GABRR2: variants seen among roughly 807,000 people sequenced by gnomAD.
GABRR2 encodes gamma-aminobutyric acid receptor subunit rho-2.
Under a neutral mutation model 47.0 loss-of-function variants are expected in GABRR2, and 36 were observed. The observed-to-expected ratio is 0.77, with a 90% CI of 0.59 to 1.01. The LOEUF is 1.01. Ranked by LOEUF, GABRR2 falls within the 50% of genes least tolerant of loss-of-function variation. The pLI, the probability that GABRR2 is intolerant of heterozygous loss-of-function variation, is 0.00. For missense variants in GABRR2, 587 were observed against 594.6 expected (o/e 0.99, Z 0.13); for synonymous variants, 204 against 227.5 (o/e 0.90, Z 0.93).
chr6:89,278,802 T>C (rs995904090), intron 2 of GABRR2, among the ~76,000 whole-genome samples: 3 of 151,966 alleles, frequency 2.0e-5, no homozygotes, highest in Admixed American at 6.5e-5. Flanking sequence ...GGCGGGGAGG[T>C]TGGCATATCA....
intron 8 of GABRR2, among the ~76,000 whole-genome samples, chr6:89,259,425 AT>A (rs1237739649): frequency 1.3e-5 from 2 of 151,060 alleles, no homozygotes; most frequent in African/African-American, 4.9e-5. Context: ...TTTGGGGGCT[AT>A]TTTTTTTCAT....
chr6:89,312,084 C>T (rs1347293990), intron 1 of GABRR2, among the ~76,000 whole-genome samples: 2 of 152,182 alleles, frequency 1.3e-5, no homozygotes, highest in African/African-American at 4.8e-5. Flanking sequence ...GGGGGCTCCA[C>T]GTTGAGACCT....
At chr6:89,307,863 C>T (rs556903200) in intron 1 of GABRR2, among the ~76,000 whole-genome samples, 10 of 141,004 alleles carry the variant, frequency 7.1e-5, no homozygotes, top group Admixed American at 1.5e-4. Context: ...TGTCGCCAGA[C>T]TGGAGTTCAA....
chr6:89,264,448 G>A lies in GABRR2; in HGVS notation c.1050C>T (p.Thr350=), dbSNP rs61741842. 1,131 of 1,613,836 alleles carry A rather than the reference G, an allele frequency of 7.0e-4. 1 individual carries two copies. The highest frequency in any genetic ancestry group is 8.4e-4 in the Non-Finnish European group (986 of 1,179,934). Residue 350 remains threonine, a synonymous_variant, in exon 8 of 9, where the codon ACC becomes ACT. Coordinates refer to ENST00000402938, the MANE Select transcript of GABRR2 (RefSeq NM_002043.5). ...GCTTCCGTTCCTTGCGCTCCTGCAC[G>A]GTGGTCAGGTAGTTGACAGCCGCAT... The part of the protein sequence containing the change: ...LEYAAVNYLT[T]VQERKERKLR...
In GABRR2 at chr6:89,311,157, C is replaced by A. The variant is rs566520877; in HGVS notation, c.113+3896G>T. Among the ~76,000 whole-genome samples the A allele has an allele frequency of 7.9e-5, 12 of 152,310 alleles. No homozygotes were observed. In the East Asian group the frequency reaches 2.3e-3, roughly 29 times the overall value. On this transcript the variant is annotated intron_variant, in intron 1 of 8. Coordinates refer to ENST00000402938, the MANE Select transcript of GABRR2 (RefSeq NM_002043.5). ...CCGTGTGAGGTGCCACGTGCAGACGCCCATGAAAGACGCCTCCGGAAGGCA... is the reference window on the plus strand; with the variant it reads ...CCGTGTGAGGTGCCACGTGCAGACGACCATGAAAGACGCCTCCGGAAGGCA...
intron 1 of GABRR2, among the ~76,000 whole-genome samples, chr6:89,310,948 A>C (rs1044188293): frequency 1.3e-5 from 2 of 152,232 alleles, no homozygotes; most frequent in African/African-American, 4.8e-5. Flanking sequence ...TTCACAGGTC[A>C]AAGAGGAAAG....
rs1321918530 is a variant in GABRR2 at position 89,292,723 on chromosome 6, TATCGTATATATCATATATA to T, written c.220+7017_220+7035del. 9.5e-4 allele frequency among the ~76,000 whole-genome samples: 135 copies of T among 142,634 alleles called. 8 individuals carry two copies. The highest frequency in any genetic ancestry group is 1.5e-3 in the Non-Finnish European group (99 of 65,076). 93.6% of individuals were successfully genotyped at this position (142,634 alleles called of 152,430 possible). A position where few individuals can be genotyped will look rare whatever the true frequency, so the allele number is the denominator to read the frequency against. On this transcript the variant is annotated intron_variant, in intron 2 of 8. Coordinates refer to ENST00000402938, the MANE Select transcript of GABRR2 (RefSeq NM_002043.5). Reference sequence around the variant, plus strand: ...GTATCTCTGATATATATCAGATATATATCGTATATATCATATATAATCGTATATATCGTATATACGATAT... The same window carrying T: ...GTATCTCTGATATATATCAGATATATATCGTATATATCGTATATACGATAT...
chr6:89,278,869 AGAG>A (rs1032503791), intron 2 of GABRR2, among the ~76,000 whole-genome samples: 7 of 152,224 alleles, frequency 4.6e-5, no homozygotes, highest in Non-Finnish European at 1.5e-5. Flanking sequence ...TGTGGGAGGA[AGAG>A]GAGGACGGGA....
chr6:89,283,513 A>T (rs980739737), intron 2 of GABRR2, among the ~76,000 whole-genome samples: 1 of 152,256 alleles, frequency 6.6e-6, no homozygotes, highest in Non-Finnish European at 1.5e-5. Flanking sequence ...AGTAAAAAAA[A>T]CCAATGTACA....
Position 89,263,055 on chromosome 6 carries a change from A to G in GABRR2, c.1086+1357T>C, listed in dbSNP as rs538006822. Among the ~76,000 whole-genome samples, 8 of 152,248 alleles carry G rather than the reference A, an allele frequency of 5.3e-5. No homozygotes were observed. The South Asian group carries it at 1.7e-3, about 32-fold the overall frequency. On this transcript the variant is annotated intron_variant, in intron 8 of 8. Coordinates refer to ENST00000402938, the MANE Select transcript of GABRR2 (RefSeq NM_002043.5). ...TATTCTGTCTCATAGTTTGCAGTTG[A>G]CCCTTGAACAACACAGGTTTGAACT...
rs191092021 is a variant in GABRR2 at position 89,314,851 on chromosome 6, C to T, written c.113+202G>A. Reference sequence around the variant, plus strand: ...CAGGCATCCGAAGGAAGGCTCATCCCAGTCTAGTTCTGCTCTCAATGCTTG... The same window carrying T: ...CAGGCATCCGAAGGAAGGCTCATCCTAGTCTAGTTCTGCTCTCAATGCTTG... On this transcript the variant is annotated intron_variant, in intron 1 of 8. Coordinates refer to ENST00000402938, the MANE Select transcript of GABRR2 (RefSeq NM_002043.5). 1.7e-3 allele frequency among the ~76,000 whole-genome samples: 257 copies of T among 152,302 alleles called. 2 individuals are homozygous for T. Among genetic ancestry groups the T allele is most frequent in the African/African-American group, 5.9e-3 (245 of 41,564 alleles).
intron 2 of GABRR2, among the ~76,000 whole-genome samples, chr6:89,293,052 C>T (rs1270088806): frequency 6.6e-6 from 1 of 151,926 alleles, no homozygotes; most frequent in Non-Finnish European, 1.5e-5. Flanking sequence ...AGAAACAACA[C>T]AAATGTCAAT....
Position 89,265,626 on chromosome 6 carries a change from G to A in GABRR2, c.876C>T (p.Ala292=). ...SFWIDRRAVP[A]RVSLGITTVL... is the part of the protein sequence containing the mutation. The stretch of plus-strand genomic sequence containing the variant: ...AAATGCTTTTACCCAGTGAAACTCT[G>A]GCAGGCACAGCTCTGCGGTCGATCC... The change falls in exon 7 of 9, where the codon GCC becomes GCT. Residue 292 remains alanine (A), a synonymous_variant. Transcript: ENST00000402938. 6.2e-7 allele frequency: 1 copy of A among 1,613,556 alleles called. No individual in the cohort carries two copies. Among genetic ancestry groups the A allele is most frequent in the Non-Finnish European group, 8.5e-7 (1 of 1,179,802 alleles).
In GABRR2 at chr6:89,259,874, T is replaced by A. The variant is rs1269327867; in HGVS notation, c.1087-1893A>T. Among the ~76,000 whole-genome samples, 17 of 89,318 alleles carry A rather than the reference T, an allele frequency of 1.9e-4. No homozygotes were observed. In the South Asian group the frequency reaches 3.8e-3, roughly 20 times the overall value. The allele number at this position is 89,318 out of a possible 152,430, so 58.6% of individuals were successfully genotyped here. ...TGGGGATAAAAGGTAAGAGGTCATC[T>A]CTCTCTCTCTTTTTTTTTTTTTTTG... On this transcript the variant is annotated intron_variant, in intron 8 of 8. Coordinates refer to ENST00000402938, the MANE Select transcript of GABRR2 (RefSeq NM_002043.5).
chr6:89,313,831 C>T (rs1252558325), intron 1 of GABRR2, among the ~76,000 whole-genome samples: 1 of 152,074 alleles, frequency 6.6e-6, no homozygotes, highest in East Asian at 1.9e-4. Flanking sequence ...GCAGGAGAAT[C>T]GCTTGAACCC....
chr6:89,264,438 G>T lies in GABRR2; in HGVS notation c.1060C>A (p.Arg354Ser), dbSNP rs775816767. The change falls in exon 8 of 9, where the codon CGC (arginine) becomes AGC (serine). Residue 354 changes from arginine (R) to serine (S), a missense_variant. Arg to Ser is a moderately radical substitution (Grantham distance 110, BLOSUM62 -1). Transcript: ENST00000402938. The stretch of plus-strand genomic sequence containing the variant: ...TTCTCCCGCAGCTTCCGTTCCTTGC[G>T]CTCCTGCACGGTGGTCAGGTAGTTG... ...AVNYLTTVQE[R>S]KERKLREKFP... The T allele has an allele frequency of 4.3e-6, 7 of 1,613,640 alleles. No individual in the cohort carries two copies. Among genetic ancestry groups the T allele is most frequent in the Middle Eastern group, 1.6e-4 (1 of 6,078 alleles).
At chr6:89,313,546 C>T (rs73504001) in intron 1 of GABRR2, among the ~76,000 whole-genome samples, 18,869 of 151,890 alleles carry the variant, frequency 0.12, 2,244 homozygotes, top group African/African-American at 0.31. Context: ...CAACCCAACC[C>T]GCATGGGTTG....
At chr6:89,289,133 C>A (rs1381040220) in intron 2 of GABRR2, among the ~76,000 whole-genome samples, 1 of 152,204 alleles carries the variant, frequency 6.6e-6, no homozygotes, top group Non-Finnish European at 1.5e-5. Context: ...CAAGACCATG[C>A]AGAGGGGTGC....
At chr6:89,277,873 G>GT (rs1470118732) in intron 2 of GABRR2, among the ~76,000 whole-genome samples, 7 of 137,954 alleles carry the variant, frequency 5.1e-5, no homozygotes, top group African/African-American at 1.8e-4. Context: ...GGGGGTGGGG[G>GT]GGGGTGGGGG....
Sources: gnomAD v4.1 joint callset for allele counts (sites outside exome capture counted in the v4.1 genomes callset) on GRCh38, gnomAD v4.1.1 for gene constraint, MANE v1.5 for transcripts, NCBI Gene and HGNC (gene_info 2026-07-23, HGNC 2026-07-21) for gene names.